NSUN7: variants seen among roughly 807,000 people sequenced by gnomAD.
NSUN7 encodes the protein NOP2/Sun RNA methyltransferase family member 7, also known as protein NSUN7.
Under a neutral mutation model 58.5 loss-of-function variants are expected in NSUN7, and 39 were observed. The ratio of observed to expected loss-of-function variants is 0.67; its 90% confidence interval spans 0.52 to 0.87. The LOEUF (loss-of-function observed/expected upper bound fraction) is 0.87. NSUN7 is among the 40% of genes least tolerant of loss of function. The pLI is 0.00. For missense variants in NSUN7, 765 were observed against 844.1 expected, an observed-to-expected ratio of 0.91 and a Z score of 1.16; for synonymous variants, 278 against 303.7, an observed-to-expected ratio of 0.92 and a Z score of 0.88.
At position 40,774,500 on chromosome 4, in the gene NSUN7, G is replaced by C. The variant is rs1261970358; in HGVS notation, c.641+83G>C. ...GATGAGAAGCATTACCTTTTTAAGA[G>C]GTGGGGGTGGCACATCTAGGGGAGT... On this transcript the variant is annotated intron_variant, in intron 5 of 11. Transcript: ENST00000381782. The C allele has an allele frequency of 2.2e-6, 3 of 1,383,440 alleles. No individual in the cohort carries two copies. In the African/African-American group the frequency reaches 4.3e-5, roughly 20 times the overall value. The allele number at this position is 1,383,440 out of a possible 1,614,324, so 85.7% of individuals were successfully genotyped here.
chr4:40,760,675 C>G (rs1013217029), intron 3 of NSUN7, among the ~76,000 whole-genome samples, 183 bp downstream of exon 3: 1 of 151,220 alleles, frequency 6.6e-6, no homozygotes, highest in Admixed American at 6.6e-5. Context: ...CCAGCCTGAC[C>G]AACATGGAGA....
rs1331118090 is a variant in NSUN7, at chr4:40,807,045, T to C, written c.1401-16T>C. On this transcript the variant is annotated splice_polypyrimidine_tract_variant and intron_variant, in intron 10 of 11. Coordinates refer to ENST00000381782, the MANE Select transcript of NSUN7 (RefSeq NM_024677.6). ...AGCCATTCTAACTGCTGAATGCTTG[T>C]TCCTGTCTGCTGCAGGCTTAGTCCT... 6.5e-7 allele frequency: 1 copy of C among 1,550,200 alleles called. No homozygotes were observed. The highest frequency in any genetic ancestry group is 1.2e-5 in the South Asian group (1 of 83,470).
intron 7 of NSUN7, among the ~76,000 whole-genome samples, chr4:40,780,801 A>ATT (rs1742509715): frequency 1.2e-5 from 1 of 80,846 alleles, no homozygotes; most frequent in Non-Finnish European, 2.7e-5. Context: ...ACATATATAT[A>ATT]TATATATATA....
Position 40,760,512 on chromosome 4 carries a change from A to C in NSUN7, c.357+20A>C. 1 of 1,535,050 alleles carries C rather than the reference A, an allele frequency of 6.5e-7. No homozygotes were observed. The highest frequency in any genetic ancestry group is 8.9e-7 in the Non-Finnish European group (1 of 1,119,276). On this transcript the variant is annotated intron_variant, in intron 3 of 11. Transcript: ENST00000381782. Reference sequence around the variant, plus strand: ...ACAATAGTAAGTAGATAAGTTTTAGAATTACATCGTTTCATGATTTTTTTT... The same window carrying C: ...ACAATAGTAAGTAGATAAGTTTTAGCATTACATCGTTTCATGATTTTTTTT...
intron 8 of NSUN7, among the ~76,000 whole-genome samples, chr4:40,792,628 G>A (rs1230406035): frequency 2.0e-5 from 3 of 152,156 alleles, no homozygotes; most frequent in Non-Finnish European, 4.4e-5. Flanking sequence ...GCGGGCGCCT[G>A]TAGTCCCAGC....
chr4:40,792,048 G>C (rs1450923552), intron 8 of NSUN7, among the ~76,000 whole-genome samples: 1 of 152,178 alleles, frequency 6.6e-6, no homozygotes, highest in East Asian at 1.9e-4. Flanking sequence ...ACTTGCTATA[G>C]AAAATTTCTT....
At position 40,808,648 on chromosome 4, in the gene NSUN7, T is replaced by C. The variant is rs772650510; in HGVS notation, c.1866T>C (p.Thr622=). The C allele has an allele frequency of 1.3e-6, 2 of 1,551,882 alleles. No individual in the cohort carries two copies. The highest frequency in any genetic ancestry group is 2.4e-5 in the South Asian group (2 of 84,040). ...CAGTGCCTGCATTTGTGAAGAACACTTGTCCCTCCAGACCGCGTGAACGGC... is the reference window on the plus strand; with the variant it reads ...CAGTGCCTGCATTTGTGAAGAACACCTGTCCCTCCAGACCGCGTGAACGGC... ...HPAVPAFVKN[T]CPSRPRERQT... Residue 622 remains threonine (T), a synonymous_variant, in exon 12 of 12, where the codon ACT becomes ACC. Coordinates refer to ENST00000381782, the MANE Select transcript of NSUN7 (RefSeq NM_024677.6).
intron 10 of NSUN7, among the ~76,000 whole-genome samples, chr4:40,802,738 A>G (rs113320263): frequency 0.013 from 1,919 of 152,174 alleles, 27 homozygotes; most frequent in Non-Finnish European, 0.021. Context: ...TATTGCATGA[A>G]AAAGTAAGTA....
chr4:40,776,122 A>G lies in NSUN7; in HGVS notation c.899A>G (p.Asn300Ser), dbSNP rs757711903. 5.0e-6 allele frequency: 8 copies of G among 1,609,188 alleles called. No individual in the cohort carries two copies. The highest frequency in any genetic ancestry group is 1.7e-5 in the Admixed American group (1 of 59,714). ...LNMDDDVLMVNTGSWYTVSHM... is the reference protein window; with the variant it reads ...LNMDDDVLMVSTGSWYTVSHM... ...ATGGATGATGATGTCTTAATGGTCA[A>G]TACAGGCTCATGGTACACAGTTTCC... Residue 300 changes from asparagine to serine, a missense_variant, in exon 7 of 12, where the codon AAT (asparagine) becomes AGT (serine). By Grantham distance (46) the Asn-to-Ser change is conservative. Coordinates refer to ENST00000381782, the MANE Select transcript of NSUN7 (RefSeq NM_024677.6).
chr4:40,759,096 G>A (rs2465555), intron 2 of NSUN7, among the ~76,000 whole-genome samples: 2,145 of 152,192 alleles, frequency 0.014, 35 homozygotes, highest in African/African-American at 0.04. Flanking sequence ...GATCACCTGA[G>A]GTCAGGAGTT....
In NSUN7 at chr4:40,809,145, C is replaced by T; in HGVS notation, c.*206C>T. 1 of 542,570 alleles carries T rather than the reference C, an allele frequency of 1.8e-6. No homozygotes were observed. The highest frequency in any genetic ancestry group is 3.2e-6 in the Non-Finnish European group (1 of 313,562). 33.6% of individuals were successfully genotyped at this position (542,570 alleles called of 1,614,324 possible). On this transcript the variant is annotated 3_prime_UTR_variant, in exon 12 of 12. Coordinates refer to ENST00000381782, the MANE Select transcript of NSUN7 (RefSeq NM_024677.6). ...GCAAAGCAGAATTCAGAGACTTCAG[C>T]CAATCACTGCTGCTCTGAGAGGATC...
intron 4 of NSUN7, among the ~76,000 whole-genome samples, chr4:40,764,685 C>T (rs1039959599): frequency 6.6e-6 from 1 of 152,214 alleles, no homozygotes; most frequent in African/African-American, 2.4e-5. Flanking sequence ...AACTAGTTTA[C>T]AGTCCCACCA....
chr4:40,789,203 G>A (rs1407703241), intron 7 of NSUN7, among the ~76,000 whole-genome samples: 1 of 152,128 alleles, frequency 6.6e-6, no homozygotes, highest in African/African-American at 2.4e-5. Context: ...AGGAAGTACA[G>A]AAAAGAGGAA....
intron 7 of NSUN7, among the ~76,000 whole-genome samples, chr4:40,780,813 A>ATAT (rs1560555749): frequency 2.7e-4 from 17 of 63,250 alleles, no homozygotes; most frequent in East Asian, 1.5e-3. Context: ...ATATATATAT[A>ATAT]TTTTTTTTTT....
intron 4 of NSUN7, among the ~76,000 whole-genome samples, chr4:40,768,711 T>C (rs1296311788): frequency 6.6e-6 from 1 of 152,192 alleles, no homozygotes; most frequent in Non-Finnish European, 1.5e-5. Flanking sequence ...TATTATCATT[T>C]TTTTTACATA....
At chr4:40,762,884 G>T (rs1221379626) in intron 4 of NSUN7, among the ~76,000 whole-genome samples, 1 of 152,040 alleles carries the variant, frequency 6.6e-6, no homozygotes, top group African/African-American at 2.4e-5. Context: ...ATCCTTATGA[G>T]ATCATCTAAT....
In NSUN7 at chr4:40,794,412, C is replaced by A; in HGVS notation, c.1218C>A (p.Ile406=). ...TTAAAGATCACTCTCAAGGAGGCATCTCAGTGGACAAACTTCACGTTCTTG... is the reference window on the plus strand; with the variant it reads ...TTAAAGATCACTCTCAAGGAGGCATATCAGTGGACAAACTTCACGTTCTTG... ...EFLKDHSQGG[I]SVDKLHVLAQ... is the part of the protein sequence containing the mutation. The change falls in exon 9 of 12, where the codon ATC becomes ATA. Residue 406 remains isoleucine, a synonymous_variant. Coordinates refer to ENST00000381782, the MANE Select transcript of NSUN7 (RefSeq NM_024677.6). The A allele has an allele frequency of 1.2e-6, 2 of 1,612,172 alleles. No homozygotes were observed. Among genetic ancestry groups the A allele is most frequent in the Non-Finnish European group, 1.7e-6 (2 of 1,178,572 alleles).
intron 8 of NSUN7, among the ~76,000 whole-genome samples, chr4:40,792,233 A>T (rs1743101215): frequency 6.6e-6 from 1 of 152,206 alleles, no homozygotes; most frequent in Non-Finnish European, 1.5e-5. Context: ...CATAGCAGTC[A>T]GGAGAACTAG....
intron 10 of NSUN7, among the ~76,000 whole-genome samples, chr4:40,802,784 T>A (rs1265878713): frequency 7.8e-5 from 3 of 38,536 alleles, no homozygotes; most frequent in Non-Finnish European, 1.1e-4. Context: ...CATTCTATTC[T>A]TTTTTTTTTT....
Sources: gnomAD v4.1 joint callset for allele counts (sites outside exome capture counted in the v4.1 genomes callset) on GRCh38, gnomAD v4.1.1 for gene constraint, MANE v1.5 for transcripts, NCBI Gene and HGNC (gene_info 2026-07-23, HGNC 2026-07-21) for gene names.